Variants in S100A8 observed in about 807,000 individuals in gnomAD.
S100A8 encodes the protein protein S100-A8.
S100A8 carries 1 observed loss-of-function variant against 4.2 expected under a neutral mutation model. That is an observed-to-expected ratio of 0.24 (90% CI 0.08 to 1.12). The LOEUF is 1.12. S100A8 is among the 50% of genes most tolerant of loss of function. The pLI is 0.53. For missense variants in S100A8, 96 were observed against 111.8 expected (o/e 0.86, Z 0.64); for synonymous variants, 41 against 44.7 (o/e 0.92, Z 0.33).
chr1:153,403,979 C>A, the S100A8 span, among the ~76,000 whole-genome samples: 4 of 152,108 alleles, frequency 2.6e-5, no homozygotes, highest in African/African-American at 9.7e-5. Context: ...GACTGACTGG[C>A]TAAAATTGGA....
upstream of S100A8, among the ~76,000 whole-genome samples, chr1:153,392,490 T>C (rs930214809): frequency 3.9e-5 from 6 of 152,240 alleles, no homozygotes; most frequent in South Asian, 1.2e-3. Flanking sequence ...TGGGTATATA[T>C]GCAAAAGAAT....
At chr1:153,393,152 C>T (rs1662140543), upstream of S100A8, among the ~76,000 whole-genome samples, 1 of 152,124 alleles carries the variant, frequency 6.6e-6, no homozygotes, top group African/African-American at 2.4e-5. Context: ...CTATTCCTGC[C>T]TGTAATGCCT....
chr1:153,407,361 C>T, the S100A8 span, among the ~76,000 whole-genome samples: 5 of 152,322 alleles, frequency 3.3e-5, no homozygotes, highest in Non-Finnish European at 7.4e-5. Flanking sequence ...CACAGAGCCT[C>T]GCTCACTGCT....
chr1:153,390,658 G>T (rs1662071077), intron 1 of S100A8, 101 bp from the exon 2 acceptor site: 3 of 1,435,068 alleles, frequency 2.1e-6, no homozygotes, highest in East Asian at 4.6e-5. Flanking sequence ...CCTTGTCCTG[G>T]CCTGCACTCT....
the S100A8 span, chr1:153,417,970 C>T: frequency 7.6e-6 from 11 of 1,446,282 alleles, no homozygotes; most frequent in Admixed American, 4.2e-5. Flanking sequence ...CATCTTAGGG[C>T]TGTTTTTACT....
the S100A8 span, among the ~76,000 whole-genome samples, chr1:153,407,104 G>A: frequency 6.6e-6 from 1 of 152,180 alleles, no homozygotes; most frequent in African/African-American, 2.4e-5. Flanking sequence ...TCTCACTGGG[G>A]CTTGTCAGAC....
At position 153,390,234 on chromosome 1, in the gene S100A8, C is replaced by T; in HGVS notation, c.151G>A (p.Ala51Thr). Reference sequence around the variant, plus strand: ...TCCAACTCTTTGAACCAGACGTCTGCACCCTTTTTCTGTCAAGATTGAGGA... The same window carrying T: ...TCCAACTCTTTGAACCAGACGTCTGTACCCTTTTTCTGTCAAGATTGAGGA... ...ECPQYIRKKG[A>T]DVWFKELDIN... The change falls in exon 3 of 3, where the codon GCA becomes ACA. Residue 51 changes from alanine (A) to threonine (T), a missense_variant. Physicochemically the swap from Ala to Thr is moderately conservative, Grantham distance 58 (BLOSUM62 0). Transcript: ENST00000368733. 6.2e-7 allele frequency: 1 copy of T among 1,610,392 alleles called. No individual in the cohort carries two copies. The highest frequency in any genetic ancestry group is 8.5e-7 in the Non-Finnish European group (1 of 1,177,756).
At chr1:153,414,466 C>A in the S100A8 span, among the ~76,000 whole-genome samples, 92 of 152,314 alleles carry the variant, frequency 6.0e-4, no homozygotes, top group East Asian at 0.017. Flanking sequence ...ACAGACATCT[C>A]ATCAAAGAAG....
chr1:153,406,721 T>C, the S100A8 span, among the ~76,000 whole-genome samples: 1 of 152,130 alleles, frequency 6.6e-6, no homozygotes, highest in East Asian at 1.9e-4. Context: ...GATGAAGATA[T>C]CAACCAGCCA....
chr1:153,394,263 G>A (rs555985745), upstream of S100A8, among the ~76,000 whole-genome samples: 8 of 152,320 alleles, frequency 5.3e-5, no homozygotes, highest in Admixed American at 5.2e-4. Context: ...CCAGAAGGGG[G>A]CAGGAGAGGG....
chr1:153,417,095 C>T, the S100A8 span: 1 of 152,516 alleles, frequency 6.6e-6, no homozygotes, highest in East Asian at 1.9e-4. Flanking sequence ...CAGTTGCTGG[C>T]ACGGAGCTTT....
At chr1:153,408,182 T>C in the S100A8 span, among the ~76,000 whole-genome samples, 1 of 152,178 alleles carries the variant, frequency 6.6e-6, no homozygotes, top group South Asian at 2.1e-4. Context: ...TTCTCCGAGC[T>C]AAAGGAGTTT....
the S100A8 span, chr1:153,417,800 T>C: frequency 2.8e-6 from 1 of 358,630 alleles, no homozygotes; most frequent in Admixed American, 4.3e-5. Context: ...TCTCCCTGCT[T>C]CTCCTTCTCT....
chr1:153,414,113 A>G, the S100A8 span, among the ~76,000 whole-genome samples: 1 of 152,186 alleles, frequency 6.6e-6, no homozygotes, highest in African/African-American at 2.4e-5. Flanking sequence ...ATGTAACTCA[A>G]AATGAATCAT....
At chr1:153,418,730 GGT>G in the S100A8 span, among the ~76,000 whole-genome samples, 1 of 152,156 alleles carries the variant, frequency 6.6e-6, no homozygotes, top group African/African-American at 2.4e-5. Flanking sequence ...AGATGAGTTT[GGT>G]GGAAAAGGAG....
At chr1:153,399,935 T>C in the S100A8 span, among the ~76,000 whole-genome samples, 1 of 152,000 alleles carries the variant, frequency 6.6e-6, no homozygotes, top group African/African-American at 2.4e-5. Flanking sequence ...AATGAGAAGT[T>C]AGAAGAAACA....
At chr1:153,407,434 T>G in the S100A8 span, among the ~76,000 whole-genome samples, 113 of 152,264 alleles carry the variant, frequency 7.4e-4, no homozygotes, top group Non-Finnish European at 1.3e-3. Context: ...GTGCCCGCCA[T>G]TTCTGAGGCT....
At chr1:153,397,834 C>T in the S100A8 span, among the ~76,000 whole-genome samples, 1 of 152,176 alleles carries the variant, frequency 6.6e-6, no homozygotes, top group South Asian at 2.1e-4. Context: ...GCTTCCCTCA[C>T]CTCGGCCCAC....
the S100A8 span, among the ~76,000 whole-genome samples, chr1:153,400,489 G>A: frequency 3.3e-5 from 5 of 152,166 alleles, no homozygotes; most frequent in Non-Finnish European, 7.3e-5. Flanking sequence ...GAATCTTCCA[G>A]AATGGGGCGC....
Sources: allele counts gnomAD v4.1 joint callset (sites outside exome capture counted in the v4.1 genomes callset), GRCh38; gene constraint gnomAD v4.1.1; transcripts MANE v1.5; gene names NCBI Gene and HGNC (gene_info 2026-07-23, HGNC 2026-07-21).